VWA2: variants seen among roughly 807,000 people sequenced by gnomAD.
VWA2 encodes von Willebrand factor A domain containing 2, also known as von Willebrand factor A domain-containing protein 2.
Under a neutral mutation model 70.4 loss-of-function variants are expected in VWA2, and 73 were observed. That is an observed-to-expected ratio of 1.04 (90% CI 0.86 to 1.26). VWA2 has a LOEUF of 1.26. VWA2 is among the 50% of genes most tolerant of loss of function. VWA2 has a pLI of 0.00. For synonymous variants in VWA2, 407 were observed against 423.3 expected (o/e 0.96, Z 0.47); for missense variants, 1,011 against 998.5 (o/e 1.01, Z -0.17).
chr10:114,245,049 CAGT>C (rs1443009095), intron 1 of VWA2, among the ~76,000 whole-genome samples: 4 of 152,288 alleles, frequency 2.6e-5, no homozygotes, highest in Non-Finnish European at 5.9e-5. Flanking sequence ...GGCTGTGTGA[CAGT>C]AGGGATTGTA....
intron 11 of VWA2, 90 bp downstream of exon 11, chr10:114,286,601 T>C: frequency 8.5e-7 from 1 of 1,170,888 alleles, no homozygotes; most frequent in South Asian, 1.6e-5. Context: ...TTTCTGCCAG[T>C]GCCTCTTCTA....
chr10:114,256,386 A>T (rs966160070), intron 4 of VWA2, among the ~76,000 whole-genome samples: 2 of 152,208 alleles, frequency 1.3e-5, no homozygotes, highest in South Asian at 4.1e-4. Flanking sequence ...TATGTAAAAG[A>T]TAAAGGGGGA....
chr10:114,275,573 T>C (rs1415586887), intron 6 of VWA2, among the ~76,000 whole-genome samples: 1 of 150,976 alleles, frequency 6.6e-6, no homozygotes, highest in Non-Finnish European at 1.5e-5. Flanking sequence ...TGGACCAGTA[T>C]TTTGTTTTTT....
intron 6 of VWA2, among the ~76,000 whole-genome samples, 173 bp downstream of exon 6, chr10:114,273,107 G>T (rs2037748777): frequency 6.6e-6 from 1 of 152,174 alleles, no homozygotes; most frequent in Non-Finnish European, 1.5e-5. Context: ...CAATCTTTTG[G>T]AGCCTGTATT....
In VWA2 at chr10:114,272,789, G is replaced by T. The variant is rs755972813; in HGVS notation, c.421G>T (p.Gly141Trp). Reference protein sequence around the residue: ...ELALKYLLHRGLPGGRNASVP... With the variant: ...ELALKYLLHRWLPGGRNASVP... ...TGCTCTGAAATACCTTCTGCACAGAGGGTTGCCTGGAGGCAGAAATGCTTC... is the reference window on the plus strand; with the variant it reads ...TGCTCTGAAATACCTTCTGCACAGATGGTTGCCTGGAGGCAGAAATGCTTC... Residue 141 changes from glycine (G) to tryptophan (W), a missense_variant, in exon 6 of 14, where the codon GGG (glycine) becomes TGG (tryptophan). By Grantham distance (184) the Gly-to-Trp change is radical (BLOSUM62 -2). Transcript: ENST00000392982. 20 of 1,613,756 alleles carry T rather than the reference G, an allele frequency of 1.2e-5. No homozygotes were observed. The East Asian group carries it at 3.1e-4, about 25-fold the overall frequency.
At chr10:114,255,964 C>G (rs2037318011) in intron 4 of VWA2, among the ~76,000 whole-genome samples, 1 of 152,138 alleles carries the variant, frequency 6.6e-6, no homozygotes. Context: ...TGGTGACATG[C>G]TTCATTGGCA....
rs149309552 is a variant in VWA2 at position 114,254,993 on chromosome 10, G to T, written c.206G>T (p.Arg69Met). Reference sequence around the variant, plus strand: ...AGCGTCGGGAAAGGGAGCTTTGAAAGGTCCAAGCACTTTGCCATCACAGTC... The same window carrying T: ...AGCGTCGGGAAAGGGAGCTTTGAAATGTCCAAGCACTTTGCCATCACAGTC... ...SNSVGKGSFE[R>M]SKHFAITVCD... The change falls in exon 4 of 14, where the codon AGG (arginine) becomes ATG (methionine). Residue 69 changes from arginine to methionine, a missense_variant. By Grantham distance (91) the Arg-to-Met change is moderately conservative (BLOSUM62 -1). Transcript: ENST00000392982. 2.3e-3 allele frequency: 3,657 copies of T among 1,613,194 alleles called. 6 individuals carry two copies. Among genetic ancestry groups the T allele is most frequent in the Middle Eastern group, 2.9e-3 (17 of 5,928 alleles).
At chr10:114,284,670 C>T (rs1039614053) in intron 9 of VWA2, among the ~76,000 whole-genome samples, 193 bp from the exon 10 acceptor site, 5 of 152,212 alleles carry the variant, frequency 3.3e-5, no homozygotes, top group Non-Finnish European at 5.9e-5. Context: ...CTTTACCACC[C>T]GTGCCCAGCC....
intron 8 of VWA2, among the ~76,000 whole-genome samples, chr10:114,280,086 A>G (rs192657787): frequency 2.0e-5 from 3 of 152,316 alleles, no homozygotes; most frequent in Non-Finnish European, 2.9e-5. Flanking sequence ...GCATGTTTCT[A>G]TGTTTGAAAA....
intron 13 of VWA2, 105 bp downstream of exon 13, chr10:114,290,470 T>G: frequency 6.9e-7 from 1 of 1,458,852 alleles, no homozygotes; most frequent in Non-Finnish European, 9.2e-7. Context: ...ATTCGTTCAG[T>G]GGAAGAAATT....
intron 2 of VWA2, among the ~76,000 whole-genome samples, chr10:114,251,582 C>G (rs979623964): frequency 1.9e-4 from 29 of 152,252 alleles, no homozygotes; most frequent in Admixed American, 8.5e-4. Flanking sequence ...CTACTGGGCC[C>G]TTTGTCAGGA....
intron 5 of VWA2, among the ~76,000 whole-genome samples, chr10:114,268,587 CTGAG>C (rs2037626125): frequency 1.3e-5 from 2 of 152,218 alleles, no homozygotes; most frequent in African/African-American, 2.4e-5. Context: ...TCACTATTCT[CTGAG>C]TGGGGTTTCC....
intron 12 of VWA2, 69 bp downstream of exon 12, chr10:114,289,558 A>C (rs759450125): frequency 2.6e-6 from 4 of 1,559,382 alleles, no homozygotes; most frequent in Non-Finnish European, 3.5e-6. Context: ...CTTCACATAC[A>C]TCATGACGAG....
intron 11 of VWA2, 60 bp downstream of exon 11, chr10:114,286,571 G>C: frequency 1.4e-6 from 2 of 1,425,838 alleles, no homozygotes; most frequent in East Asian, 4.7e-5. Flanking sequence ...TCCTCCTTTT[G>C]GCCACCACCT....
At chr10:114,278,977 G>C (rs1359873900) in intron 8 of VWA2, 126 bp downstream of exon 8, 1 of 1,422,688 alleles carries the variant, frequency 7.0e-7, no homozygotes. Flanking sequence ...AGACCTGGGA[G>C]GGAGCCAGGG....
chr10:114,277,168 CTTTTTTTTTTTTT>C (rs780326649), intron 6 of VWA2, among the ~76,000 whole-genome samples: 20 of 61,234 alleles, frequency 3.3e-4, no homozygotes, highest in East Asian at 9.7e-4. Context: ...GACTGCACGT[CTTTTTTTTTTTTT>C]TTTTTTTTTT....
chr10:114,283,571 G>A (rs2038466417), intron 9 of VWA2, among the ~76,000 whole-genome samples: 1 of 152,218 alleles, frequency 6.6e-6, no homozygotes, highest in Non-Finnish European at 1.5e-5. Flanking sequence ...GAGTGAAATG[G>A]CTTTCAGTCC....
Position 114,292,543 on chromosome 10 carries a change from A to G in VWA2, c.*1306A>G, listed in dbSNP as rs777516130. On this transcript the variant is annotated 3_prime_UTR_variant, in exon 14 of 14. Transcript: ENST00000392982. ...TTATTAAACAGGGATATTTGTACCT[A>G]TGTGGCAAAGAGGCATATTTGGAAT... 9.9e-5 allele frequency among the ~76,000 whole-genome samples: 15 copies of G among 150,858 alleles called. No individual in the cohort carries two copies. Among genetic ancestry groups the G allele is most frequent in the Non-Finnish European group, 1.3e-4 (9 of 67,856 alleles).
At chr10:114,272,519 T>A (rs1411115884) in intron 5 of VWA2, among the ~76,000 whole-genome samples, 2 of 152,160 alleles carry the variant, frequency 1.3e-5, no homozygotes, top group Non-Finnish European at 2.9e-5. Context: ...TATGATAGAA[T>A]ACAACAGAGA....
Sources: gnomAD v4.1 joint callset for allele counts (sites outside exome capture counted in the v4.1 genomes callset) on GRCh38, gnomAD v4.1.1 for gene constraint, MANE v1.5 for transcripts, NCBI Gene and HGNC (gene_info 2026-07-23, HGNC 2026-07-21) for gene names.